Variants in TMEM164 observed in about 807,000 individuals in gnomAD.
TMEM164 encodes RP13-360B22.2.
A neutral mutation model predicts 18.8 loss-of-function variants in TMEM164; 4 were observed. The ratio of observed to expected loss-of-function variants is 0.21; its 90% CI spans 0.10 to 0.49. The LOEUF (loss-of-function observed/expected upper bound fraction) is 0.49. Among genes scored for constraint, TMEM164 ranks in the 20% least tolerant of loss-of-function variants. The pLI, the probability that TMEM164 is intolerant of heterozygous loss-of-function variation, is 0.98. For missense variants in TMEM164, 108 were observed against 239.9 expected, an observed-to-expected ratio of 0.45 and a Z score of 3.63; for synonymous variants, 86 against 101.7, an observed-to-expected ratio of 0.85 and a Z score of 0.93.
chrX:110,157,847 GTTAA>G (rs1242737599), intron 5 of TMEM164, among the ~76,000 whole-genome samples: 1 of 111,465 alleles, frequency 9.0e-6, no homozygotes, highest in Non-Finnish European at 1.9e-5. Context: ...CGATTTTAAG[GTTAA>G]TTAATTTGAA....
At chrX:110,103,511 A>C (rs2066141900) in intron 3 of TMEM164, among the ~76,000 whole-genome samples, 2 of 110,514 alleles carry the variant, frequency 1.8e-5, no homozygotes, top group South Asian at 7.6e-4. Flanking sequence ...AGAGGAATAT[A>C]GCCTCCTGGG....
At chrX:110,108,425 A>G (rs2066244433) in intron 3 of TMEM164, among the ~76,000 whole-genome samples, 1 of 111,488 alleles carries the variant, frequency 9.0e-6, no homozygotes. Flanking sequence ...AAACAGTATC[A>G]TTAACCAGTG....
downstream of TMEM164, among the ~76,000 whole-genome samples, chrX:110,180,491 C>T (rs997924484): frequency 2.9e-5 from 3 of 103,551 alleles, no homozygotes; most frequent in African/African-American, 1.3e-4. Context: ...CTGAACCCCC[C>T]CGCCCCGCCC....
At chrX:110,152,060 T>TC (rs1204421653) in intron 5 of TMEM164, among the ~76,000 whole-genome samples, 2 of 99,687 alleles carry the variant, frequency 2.0e-5, no homozygotes, top group African/African-American at 8.0e-5. Flanking sequence ...TCTTTTCTTT[T>TC]TTTTTTTTTT....
At chrX:110,159,375 C>T (rs1002643390) in intron 5 of TMEM164, among the ~76,000 whole-genome samples, 4 of 110,506 alleles carry the variant, frequency 3.6e-5, no homozygotes, top group Admixed American at 2.9e-4. Flanking sequence ...TAGGGGCATG[C>T]GCATAGTAGG....
At chrX:110,157,960 C>T (rs1343479242) in intron 5 of TMEM164, among the ~76,000 whole-genome samples, 1 of 111,619 alleles carries the variant, frequency 9.0e-6, no homozygotes, top group Non-Finnish European at 1.9e-5. Flanking sequence ...GATCTTGGCT[C>T]ACTGCAACCT....
intron 2 of TMEM164, among the ~76,000 whole-genome samples, chrX:110,047,142 C>G (rs1490439503): frequency 8.9e-6 from 1 of 111,975 alleles, no homozygotes; most frequent in East Asian, 2.8e-4. Flanking sequence ...CAACCCTTCT[C>G]TTTCACTCAC....
At chrX:110,085,370 C>T (rs1022543295) in intron 3 of TMEM164, among the ~76,000 whole-genome samples, 5 of 107,361 alleles carry the variant, frequency 4.7e-5, no homozygotes, top group Non-Finnish European at 5.8e-5. Context: ...CAGGGTTTTG[C>T]GGTGTTGCCC....
At chrX:110,138,690 T>C (rs908002277) in intron 4 of TMEM164, among the ~76,000 whole-genome samples, 1 of 112,242 alleles carries the variant, frequency 8.9e-6, no homozygotes, top group Non-Finnish European at 1.9e-5. Flanking sequence ...TCAAATACTG[T>C]TGATGGACCA....
chrX:110,043,573 CCT>C (rs1400506623), intron 2 of TMEM164, among the ~76,000 whole-genome samples: 1 of 112,089 alleles, frequency 8.9e-6, no homozygotes, highest in Non-Finnish European at 1.9e-5. Context: ...TACCCTCCAG[CCT>C]CTCTAAATCC....
chrX:110,019,507 C>A (rs1933680456), intron 2 of TMEM164, among the ~76,000 whole-genome samples: 1 of 111,627 alleles, frequency 9.0e-6, no homozygotes, highest in Non-Finnish European at 1.9e-5. Flanking sequence ...ACTACTCGAC[C>A]CTTTACACTA....
intron 5 of TMEM164, among the ~76,000 whole-genome samples, chrX:110,154,508 T>C (rs761082818): frequency 9.0e-5 from 10 of 111,125 alleles, no homozygotes; most frequent in African/African-American, 3.3e-4. Flanking sequence ...CAACCTCTGC[T>C]TCTCGGGTTC....
intron 5 of TMEM164, among the ~76,000 whole-genome samples, chrX:110,164,853 C>A (rs1312555267): frequency 8.9e-6 from 1 of 111,768 alleles, no homozygotes; most frequent in Non-Finnish European, 1.9e-5. Context: ...GGAGAAAAAT[C>A]AGTCACTACT....
intron 4 of TMEM164, among the ~76,000 whole-genome samples, chrX:110,118,921 G>C (rs2066410021): frequency 9.0e-6 from 1 of 111,636 alleles, no homozygotes; most frequent in South Asian, 3.7e-4. Flanking sequence ...CTTAGCACCT[G>C]GTAGATATCT....
chrX:110,086,012 C>T, intron 3 of TMEM164, among the ~76,000 whole-genome samples: 1 of 112,195 alleles, frequency 8.9e-6, no homozygotes, highest in Non-Finnish European at 1.9e-5. Flanking sequence ...TGTGGAAGGA[C>T]TCAATGTTTC....
chrX:110,106,244 C>T (rs968790848), intron 3 of TMEM164, among the ~76,000 whole-genome samples: 4 of 111,264 alleles, frequency 3.6e-5, no homozygotes, highest in South Asian at 3.8e-4. Flanking sequence ...CATCTTTGGC[C>T]GTCCGTAGGT....
At chrX:110,063,305 A>C (rs982761124) in intron 2 of TMEM164, among the ~76,000 whole-genome samples, 3 of 112,022 alleles carry the variant, frequency 2.7e-5, no homozygotes, top group African/African-American at 9.7e-5. Flanking sequence ...TAGTACTAAC[A>C]CTTGCTCCAG....
rs34803907 is a variant in TMEM164, at chrX:110,030,108, G to GT, written c.390+25973dup. ...TTTTTCTCTCTCTTTTTCTCTGTCTGTTTTTTTTTTTTTTTTTTTTTTTTT... is the reference window on the plus strand; with the variant it reads ...TTTTTCTCTCTCTTTTTCTCTGTCTGTTTTTTTTTTTTTTTTTTTTTTTTTT... On this transcript the variant is annotated intron_variant, in intron 2 of 6. Transcript: ENST00000372068. 6.3e-4 allele frequency among the ~76,000 whole-genome samples: 17 copies of GT among 26,992 alleles called. 2 individuals carry two copies. The highest frequency in any genetic ancestry group is 1.4e-3 in the Admixed American group (2 of 1,389). 23.4% of individuals were successfully genotyped at this position (26,992 alleles called of 115,157 possible). A position where few individuals can be genotyped will look rare whatever the true frequency, so the allele number is the denominator to read the frequency against.
intron 2 of TMEM164, among the ~76,000 whole-genome samples, chrX:110,067,016 G>T: frequency 9.0e-6 from 1 of 111,280 alleles, no homozygotes; most frequent in Non-Finnish European, 1.9e-5. Flanking sequence ...AGATGGCATG[G>T]TGTGTGCGTG....
Sources: gnomAD v4.1 joint callset for allele counts (sites outside exome capture counted in the v4.1 genomes callset) on GRCh38, gnomAD v4.1.1 for gene constraint, MANE v1.5 for transcripts, NCBI Gene and HGNC (gene_info 2026-07-23, HGNC 2026-07-21) for gene names.